ZFHX3: variants seen among roughly 807,000 people sequenced by gnomAD.
The protein encoded by ZFHX3 is zinc finger homeobox protein 3.
A neutral mutation model predicts 279.1 loss-of-function variants in ZFHX3; 42 were observed. The observed-to-expected ratio is 0.15, with a 90% CI of 0.12 to 0.19. The LOEUF (loss-of-function observed/expected upper bound fraction) is 0.19, where lower values mean the gene tolerates loss of function less well. Among genes scored for constraint, ZFHX3 ranks in the 10% least tolerant of loss-of-function variants. The pLI is 1.00. For synonymous variants in ZFHX3, 2,293 were observed against 1,957.8 expected (o/e 1.17, Z -4.52); for missense variants, 4,981 against 4,754.0 (o/e 1.05, Z -1.40).
chr16:72,871,587 G>T (rs531622238), intron 4 of ZFHX3, among the ~76,000 whole-genome samples: 1 of 151,946 alleles, frequency 6.6e-6, no homozygotes, highest in Admixed American at 6.5e-5. Flanking sequence ...TGATCCGCCT[G>T]CCTCAGCCTC....
intron 1 of ZFHX3, among the ~76,000 whole-genome samples, chr16:73,682,896 A>AAGAAAGAGAAAGAAAGAAAGAG (rs1567550530): frequency 4.5e-4 from 10 of 22,340 alleles, no homozygotes; most frequent in African/African-American, 1.4e-3. Context: ...GAAAGAAAGA[A>AAGAAAGAGAAAGAAAGAAAGAG]AGAAAGAAAG....
At chr16:73,797,946 A>G (rs1036657518) in intron 1 of ZFHX3, among the ~76,000 whole-genome samples, 2 of 149,864 alleles carry the variant, frequency 1.3e-5, no homozygotes, top group African/African-American at 4.9e-5. Context: ...CCCTGGGATT[A>G]CAGGCGCTCG....
At chr16:72,886,972 T>C (rs1284526105) in intron 4 of ZFHX3, among the ~76,000 whole-genome samples, 1 of 152,198 alleles carries the variant, frequency 6.6e-6, no homozygotes, top group African/African-American at 2.4e-5. Context: ...GAAAAACACA[T>C]GGAAGGGACA....
intron 7 of ZFHX3, among the ~76,000 whole-genome samples, chr16:72,804,489 T>C (rs2036203717): frequency 6.6e-6 from 1 of 152,172 alleles, no homozygotes; most frequent in South Asian, 2.1e-4. Context: ...CAGAAGGAAA[T>C]CCATGTACTC....
chr16:72,912,055 C>T (rs915366284), intron 3 of ZFHX3, among the ~76,000 whole-genome samples: 2 of 152,032 alleles, frequency 1.3e-5, no homozygotes, highest in Non-Finnish European at 2.9e-5. Context: ...AAGCAGAAAA[C>T]GGGAGGATAA....
intron 5 of ZFHX3, among the ~76,000 whole-genome samples, chr16:73,239,216 C>G (rs1334458571): frequency 6.6e-6 from 1 of 152,172 alleles, no homozygotes; most frequent in Non-Finnish European, 1.5e-5. Context: ...GAGGGAAATA[C>G]AGCGACCGTT....
intron 1 of ZFHX3, among the ~76,000 whole-genome samples, chr16:73,705,023 G>A: frequency 6.6e-6 from 1 of 152,160 alleles, no homozygotes. Context: ...TAACATCATT[G>A]AGTATGGAGT....
At chr16:73,682,906 G>GAGAA (rs1555532199) in intron 1 of ZFHX3, among the ~76,000 whole-genome samples, 425 of 28,672 alleles carry the variant, frequency 0.015, 34 homozygotes, top group South Asian at 0.035. Flanking sequence ...AAGAAAGAAA[G>GAGAA]AGAAAGAAAG....
At chr16:73,355,740 G>A (rs896736809) in intron 3 of ZFHX3, among the ~76,000 whole-genome samples, 3 of 152,176 alleles carry the variant, frequency 2.0e-5, no homozygotes, top group Non-Finnish European at 4.4e-5. Flanking sequence ...TGGGCAAGTC[G>A]CTTCACATCT....
At chr16:73,193,788 C>T (rs566214078) in intron 5 of ZFHX3, among the ~76,000 whole-genome samples, 1 of 152,332 alleles carries the variant, frequency 6.6e-6, no homozygotes, top group African/African-American at 2.4e-5. Context: ...CCGCCTGCCT[C>T]TCTGTGTTTC....
chr16:72,813,298 T>TA lies in ZFHX3; in HGVS notation c.3530-1261dup, dbSNP rs201840911. 6.0e-3 allele frequency among the ~76,000 whole-genome samples: 914 copies of TA among 152,368 alleles called. 4 individuals are homozygous for TA. The highest frequency in any genetic ancestry group is 0.011 in the Admixed American group (176 of 15,306). ...AGAAAGCCCAATTTTTATTCCCTGTTAAACTGCTTTCTGTTTTACCCTGTC... is the reference window on the plus strand; with the variant it reads ...AGAAAGCCCAATTTTTATTCCCTGTTAAAACTGCTTTCTGTTTTACCCTGTC... On this transcript the variant is annotated intron_variant, in intron 5 of 9. Transcript: ENST00000268489.
chr16:72,925,327 G>A (rs1198464274), intron 3 of ZFHX3, among the ~76,000 whole-genome samples: 2 of 152,156 alleles, frequency 1.3e-5, no homozygotes, highest in Non-Finnish European at 2.9e-5. Flanking sequence ...CCCTGTCAAC[G>A]GTTCCATCAC....
intron 5 of ZFHX3, among the ~76,000 whole-genome samples, chr16:73,245,840 G>C (rs529777455): frequency 1.3e-5 from 2 of 152,282 alleles, no homozygotes; most frequent in South Asian, 2.1e-4. Context: ...AAGCGTAAGA[G>C]TAAGGGTCCT....
chr16:73,623,954 T>G (rs1030744217), intron 2 of ZFHX3, among the ~76,000 whole-genome samples: 5 of 152,246 alleles, frequency 3.3e-5, no homozygotes, highest in Middle Eastern at 3.2e-3. Context: ...AATCTAATCT[T>G]GGGCTCATTT....
intron 2 of ZFHX3, among the ~76,000 whole-genome samples, chr16:73,619,500 T>TATATATATATATATA (rs34326004): frequency 2.3e-4 from 30 of 131,730 alleles, no homozygotes; most frequent in African/African-American, 7.5e-4. Flanking sequence ...AAAAAAAAAA[T>TATATATATATATATA]TATATATATA....
intron 4 of ZFHX3, among the ~76,000 whole-genome samples, chr16:73,284,046 C>T (rs142796033): frequency 3.5e-4 from 53 of 152,108 alleles, no homozygotes; most frequent in Admixed American, 7.8e-4. Context: ...TGGCCAGGCG[C>T]GGTGGCTCAC....
chr16:72,903,071 G>A (rs1339765992), intron 3 of ZFHX3, among the ~76,000 whole-genome samples: 1 of 147,856 alleles, frequency 6.8e-6, no homozygotes, highest in Non-Finnish European at 1.5e-5. Flanking sequence ...AACCAGAGAG[G>A]GCTCTATGGG....
At position 73,057,159 on chromosome 16, in the gene ZFHX3, T is replaced by C. The variant is rs558423104; in HGVS notation, c.-24+1371A>G. ...ATAAAAATTGTCATATTTACCCTAC[T>C]TGAAAGCAACAAGGGGGAAAAGTTA... On this transcript the variant is annotated intron_variant, in intron 1 of 8. Transcript: ENST00000397992. Among the ~76,000 whole-genome samples, 21 of 152,282 alleles carry C rather than the reference T, an allele frequency of 1.4e-4. No homozygotes were observed. The South Asian group carries it at 4.3e-3, about 32-fold the overall frequency.
At chr16:72,962,953 A>G (rs1166249993) in intron 1 of ZFHX3, among the ~76,000 whole-genome samples, 3 of 152,080 alleles carry the variant, frequency 2.0e-5, no homozygotes, top group African/African-American at 4.8e-5. Flanking sequence ...GTCTCAGGGC[A>G]TCTACCACTC....
Sources: allele counts gnomAD v4.1 joint callset (sites outside exome capture counted in the v4.1 genomes callset), GRCh38; gene constraint gnomAD v4.1.1; transcripts MANE v1.5; gene names NCBI Gene and HGNC (gene_info 2026-07-23, HGNC 2026-07-21).